Variants in ANKHD1 observed in about 807,000 individuals in gnomAD.
ANKHD1 encodes the protein ankyrin repeat and KH domain containing 1.
Under a neutral mutation model 230.5 loss-of-function variants are expected in ANKHD1, and 31 were observed. That is an observed-to-expected ratio of 0.13 (90% CI 0.10 to 0.18). ANKHD1 has a LOEUF of 0.18. Among genes scored for constraint, ANKHD1 ranks in the 10% least tolerant of loss-of-function variants. The pLI is 1.00. For synonymous variants in ANKHD1, 1,074 were observed against 1,117.6 expected (o/e 0.96, Z 0.78); for missense variants, 2,256 against 3,071.3 (o/e 0.73, Z 6.27).
At chr5:140,425,215 A>C (rs1002638743) in intron 1 of ANKHD1, among the ~76,000 whole-genome samples, 1 of 152,182 alleles carries the variant, frequency 6.6e-6, no homozygotes, top group African/African-American at 2.4e-5. Context: ...TTTGTGCTAC[A>C]TGAAGCTAAC....
At chr5:140,520,929 T>TAATA (rs1753321373) in intron 24 of ANKHD1, among the ~76,000 whole-genome samples, 1 of 112,848 alleles carries the variant, frequency 8.9e-6, no homozygotes, top group East Asian at 2.4e-4. Context: ...TAAAGTATAA[T>TAATA]AAAAAAAAAA....
intron 1 of ANKHD1, among the ~76,000 whole-genome samples, chr5:140,427,365 C>T (rs375724749): frequency 0.16 from 16,429 of 101,840 alleles, 1,627 homozygotes; most frequent in East Asian, 0.24. Context: ...GCTGGCCAGG[C>T]GGGGGGCTGA....
intron 24 of ANKHD1, among the ~76,000 whole-genome samples, chr5:140,523,660 A>T (rs1322353748): frequency 6.6e-6 from 1 of 151,458 alleles, no homozygotes; most frequent in African/African-American, 2.4e-5. Context: ...TCCCAGGTTC[A>T]AGTGATTGTC....
intron 14 of ANKHD1, among the ~76,000 whole-genome samples, chr5:140,490,251 A>G (rs1751711272): frequency 6.6e-6 from 1 of 152,178 alleles, no homozygotes; most frequent in Non-Finnish European, 1.5e-5. Flanking sequence ...TCAGGTTCTT[A>G]TAACATTTTA....
At chr5:140,425,769 A>G (rs1391901122) in intron 1 of ANKHD1, among the ~76,000 whole-genome samples, 1 of 152,198 alleles carries the variant, frequency 6.6e-6, no homozygotes, top group Non-Finnish European at 1.5e-5. Flanking sequence ...CTAAATTACA[A>G]CAGTATTACT....
chr5:140,426,392 G>C (rs1293442741), intron 1 of ANKHD1, among the ~76,000 whole-genome samples: 1 of 152,216 alleles, frequency 6.6e-6, no homozygotes, highest in Non-Finnish European at 1.5e-5. Context: ...GCCTTCCAAA[G>C]TGCTGGGGTT....
At chr5:140,472,612 C>A in intron 10 of ANKHD1, 1 of 330,022 alleles carries the variant, frequency 3.0e-6, no homozygotes, top group Non-Finnish European at 4.7e-6. Flanking sequence ...GAGAAAGTCT[C>A]AGTAATAAAG....
At chr5:140,515,232 C>G (rs1752945201) in intron 24 of ANKHD1, among the ~76,000 whole-genome samples, 1 of 149,852 alleles carries the variant, frequency 6.7e-6, no homozygotes, top group East Asian at 2.0e-4. Context: ...GAGCTGAGAT[C>G]ACGCCACTAC....
chr5:140,522,490 A>G (rs1753396696), intron 24 of ANKHD1, among the ~76,000 whole-genome samples: 1 of 152,142 alleles, frequency 6.6e-6, no homozygotes, highest in South Asian at 2.1e-4. Flanking sequence ...TTTGCTATCA[A>G]AATTTTAGCA....
chr5:140,516,745 A>AT (rs1753030418), intron 24 of ANKHD1, among the ~76,000 whole-genome samples: 1 of 152,098 alleles, frequency 6.6e-6, no homozygotes, highest in Non-Finnish European at 1.5e-5. Flanking sequence ...ATGCTGAGAG[A>AT]TTTTGTCACC....
At chr5:140,444,178 G>C (rs1198832828) in intron 5 of ANKHD1, among the ~76,000 whole-genome samples, 1 of 148,640 alleles carries the variant, frequency 6.7e-6, no homozygotes, top group Admixed American at 6.8e-5. Flanking sequence ...TCTTTGATGG[G>C]CTCCTCCGTA....
chr5:140,505,066 C>T, intron 16 of ANKHD1, 56 bp from the exon 17 acceptor site: 1 of 1,604,626 alleles, frequency 6.2e-7, no homozygotes, highest in Non-Finnish European at 8.5e-7. Context: ...ATTATTTGCT[C>T]TTAAATTGAT....
At chr5:140,471,820 G>C (rs182129520) in intron 10 of ANKHD1, among the ~76,000 whole-genome samples, 1 of 152,132 alleles carries the variant, frequency 6.6e-6, no homozygotes, top group East Asian at 1.9e-4. Context: ...TTATAATGAG[G>C]GGAAAAGCTA....
chr5:140,442,548 T>C (rs1773943660), intron 5 of ANKHD1, among the ~76,000 whole-genome samples: 1 of 152,142 alleles, frequency 6.6e-6, no homozygotes, highest in African/African-American at 2.4e-5. Context: ...GTGCATACTA[T>C]AGTTGGAACC....
intron 1 of ANKHD1, among the ~76,000 whole-genome samples, chr5:140,417,553 A>G (rs1771494650): frequency 6.6e-6 from 1 of 152,056 alleles, no homozygotes; most frequent in Non-Finnish European, 1.5e-5. Flanking sequence ...AGCTCAAGCC[A>G]TCCTCCCACC....
intron 1 of ANKHD1, among the ~76,000 whole-genome samples, chr5:140,421,646 A>G (rs1049367307): frequency 1.1e-4 from 17 of 152,114 alleles, no homozygotes; most frequent in Admixed American, 9.8e-4. Context: ...TGTAAATTCA[A>G]TGTTTAAGTA....
At chr5:140,410,011 A>G (rs1351392578) in intron 1 of ANKHD1, among the ~76,000 whole-genome samples, 2 of 152,144 alleles carry the variant, frequency 1.3e-5, no homozygotes, top group Non-Finnish European at 2.9e-5. Flanking sequence ...ACTTTTTGGG[A>G]AACTTTAAGT....
At chr5:140,439,012 G>A (rs536488342) in intron 3 of ANKHD1, among the ~76,000 whole-genome samples, 2 of 152,192 alleles carry the variant, frequency 1.3e-5, no homozygotes, top group South Asian at 4.1e-4. Context: ...CTCAAATATG[G>A]TCCATGGACT....
chr5:140,507,087 G>C lies in ANKHD1; in HGVS notation c.3551+110G>C, dbSNP rs1752570692. Reference sequence around the variant, plus strand: ...CATTTTAAATTAAGATAGTACTAAAGTTGCAAAGCCAACGATTATACCTAT... The same window carrying C: ...CATTTTAAATTAAGATAGTACTAAACTTGCAAAGCCAACGATTATACCTAT... On this transcript the variant is annotated intron_variant, in intron 19 of 33. Coordinates refer to ENST00000360839, the MANE Select transcript of ANKHD1 (RefSeq NM_017747.3). This position sits in a 1 kb window ranked among gnomAD's most constrained non-coding sequence, Gnocchi z 4.1. 6.8e-7 allele frequency: 1 copy of C among 1,478,610 alleles called. No homozygotes were observed. Among genetic ancestry groups the C allele is most frequent in the Non-Finnish European group, 9.0e-7 (1 of 1,112,396 alleles). 91.6% of individuals were successfully genotyped at this position (1,478,610 alleles called of 1,614,324 possible). A position where few individuals can be genotyped will look rare whatever the true frequency, so the allele number is the denominator to read the frequency against.
Sources: gnomAD v4.1 joint callset for allele counts (sites outside exome capture counted in the v4.1 genomes callset) on GRCh38, gnomAD v4.1.1 for gene constraint, Gnocchi (gnomAD v3.1) non-coding constraint, MANE v1.5 for transcripts, NCBI Gene and HGNC (gene_info 2026-07-23, HGNC 2026-07-21) for gene names.